The following CASZ1 variants were observed in gnomAD, a reference collection of about 807,000 sequenced individuals.
CASZ1 encodes castor zinc finger 1, also known as zinc finger protein castor homolog 1.
CASZ1 carries 28 observed loss-of-function variants against 135.2 expected under a neutral mutation model. The observed-to-expected ratio is 0.21, with a 90% CI of 0.15 to 0.28. The LOEUF (loss-of-function observed/expected upper bound fraction) is 0.28. Among genes scored for constraint, CASZ1 ranks in the 10% least tolerant of loss-of-function variants. CASZ1 has a pLI of 1.00. For missense variants in CASZ1, 2,161 were observed against 2,453.3 expected (o/e 0.88, Z 2.52); for synonymous variants, 1,068 against 1,073.4 (o/e 0.99, Z 0.10).
At position 10,693,861 on chromosome 1, in the gene CASZ1, C is replaced by T; in HGVS notation, c.16+13G>A. ...AGTGAAAGAGCCGCCCCTGCGTTCC[C>T]ACCGGCCGGTACCTGTTCCAAGATC... On this transcript the variant is annotated intron_variant, in intron 4 of 20. Transcript: ENST00000377022. The T allele has an allele frequency of 5.6e-6, 9 of 1,612,836 alleles. No homozygotes were observed. Among genetic ancestry groups the T allele is most frequent in the Non-Finnish European group, 7.6e-6 (9 of 1,179,096 alleles).
At chr1:10,663,525 C>T (rs1643122911) in intron 5 of CASZ1, among the ~76,000 whole-genome samples, 1 of 152,214 alleles carries the variant, frequency 6.6e-6, no homozygotes, top group African/African-American at 2.4e-5. Context: ...TTCAGTGGCT[C>T]AGGGACCAGG....
chr1:10,673,864 CGGGCT>C (rs1643482810), intron 4 of CASZ1, among the ~76,000 whole-genome samples: 1 of 152,180 alleles, frequency 6.6e-6, no homozygotes, highest in Non-Finnish European at 1.5e-5. Context: ...ATCCATGCCT[CGGGCT>C]GAGGCCAGGC....
chr1:10,681,762 G>C (rs1335621342), intron 4 of CASZ1, among the ~76,000 whole-genome samples: 1 of 152,332 alleles, frequency 6.6e-6, no homozygotes, highest in South Asian at 2.1e-4. Context: ...ACGTGGCCTG[G>C]CTTCTGGACT....
In CASZ1 at chr1:10,755,464, G is replaced by A. The variant is rs937944760; in HGVS notation, c.-77+5237C>T. ...CGCTTCTCTCTTCGTCCACCACACCGCGTCAACCCTCCCAAATCCACGGGT... is the reference window on the plus strand; with the variant it reads ...CGCTTCTCTCTTCGTCCACCACACCACGTCAACCCTCCCAAATCCACGGGT... On this transcript the variant is annotated intron_variant, in intron 2 of 20. Transcript: ENST00000377022. This position sits in a 1 kb window ranked among gnomAD's most constrained non-coding sequence, Gnocchi z 4.3. Among the ~76,000 whole-genome samples, 9 of 151,976 alleles carry A rather than the reference G, an allele frequency of 5.9e-5. No homozygotes were observed. The highest frequency in any genetic ancestry group is 1.2e-4 in the African/African-American group (5 of 41,380).
At chr1:10,683,112 G>T (rs1557502838) in intron 4 of CASZ1, among the ~76,000 whole-genome samples, 1 of 152,214 alleles carries the variant, frequency 6.6e-6, no homozygotes, top group Non-Finnish European at 1.5e-5. Flanking sequence ...CATCCTTCCA[G>T]TTACAATCGG....
chr1:10,732,058 C>A (rs900032952), intron 2 of CASZ1, among the ~76,000 whole-genome samples: 1 of 151,978 alleles, frequency 6.6e-6, no homozygotes, highest in South Asian at 2.1e-4. Context: ...GGCATGATGA[C>A]TCATGCCTGT....
chr1:10,708,983 A>T (rs1570508257), intron 2 of CASZ1, among the ~76,000 whole-genome samples: 1 of 75,456 alleles, frequency 1.3e-5, no homozygotes, highest in South Asian at 4.5e-4. Flanking sequence ...GGGGGGGGCC[A>T]TGGGTGAGGG....
chr1:10,655,199 C>A (rs528339273), intron 9 of CASZ1, among the ~76,000 whole-genome samples: 1 of 152,212 alleles, frequency 6.6e-6, no homozygotes, highest in African/African-American at 2.4e-5. Flanking sequence ...CATAACAACT[C>A]CTGACAAATA....
At chr1:10,686,615 C>T (rs1190735386) in intron 4 of CASZ1, among the ~76,000 whole-genome samples, 2 of 152,226 alleles carry the variant, frequency 1.3e-5, no homozygotes, top group Admixed American at 6.5e-5. Flanking sequence ...TCCCCGCCAC[C>T]CTCTCTTGGT....
rs375829341 is a variant in CASZ1 at position 10,741,880 on chromosome 1, G to T, written c.-77+18821C>A. Among the ~76,000 whole-genome samples, 55 of 152,166 alleles carry T rather than the reference G, an allele frequency of 3.6e-4. No homozygotes were observed. The highest frequency in any genetic ancestry group is 1.3e-3 in the African/African-American group (54 of 41,498). On this transcript the variant is annotated intron_variant, in intron 2 of 20. Transcript: ENST00000377022. The surrounding 1 kb of genome is among the most constrained non-coding windows in gnomAD (Gnocchi z 5.0). Reference sequence around the variant, plus strand: ...TACTGGGCAGTTTGTGCGTATCTGTGTGTTTTTTCCCCCAAAGCCAGGAGA... The same window carrying T: ...TACTGGGCAGTTTGTGCGTATCTGTTTGTTTTTTCCCCCAAAGCCAGGAGA...
At chr1:10,771,309 A>G (rs773471450) in intron 1 of CASZ1, among the ~76,000 whole-genome samples, 6 of 151,982 alleles carry the variant, frequency 3.9e-5, no homozygotes, top group South Asian at 2.1e-4. Context: ...GTCCTTACTT[A>G]GAAGTTTTTA....
At chr1:10,678,393 A>C (rs956147778) in intron 4 of CASZ1, among the ~76,000 whole-genome samples, 2 of 109,914 alleles carry the variant, frequency 1.8e-5, no homozygotes, top group African/African-American at 6.9e-5. Flanking sequence ...AGCTGGTTAC[A>C]GTGTGAGGGA....
chr1:10,744,852 C>G (rs1640010031), intron 2 of CASZ1, among the ~76,000 whole-genome samples: 2 of 152,166 alleles, frequency 1.3e-5, no homozygotes, highest in South Asian at 4.1e-4. Context: ...GAGCCGTGAC[C>G]TCACCAGAGC....
chr1:10,641,112 C>T (rs1315163700), intron 20 of CASZ1, among the ~76,000 whole-genome samples: 3 of 152,260 alleles, frequency 2.0e-5, no homozygotes, highest in Admixed American at 6.5e-5. Context: ...CACCAAATGT[C>T]TGCCCTGCCC....
intron 4 of CASZ1, among the ~76,000 whole-genome samples, chr1:10,675,584 G>A (rs942172426): frequency 6.6e-6 from 1 of 152,074 alleles, no homozygotes; most frequent in Non-Finnish European, 1.5e-5. Flanking sequence ...GGCTGGGGGA[G>A]GTGCCAGGTC....
chr1:10,726,213 T>G lies in CASZ1; in HGVS notation c.-76-20669A>C, dbSNP rs940181974. Reference sequence around the variant, plus strand: ...GTCCCAGGCAGAGTGAAGTCGGTTTTATAAACCACCTCATTAAACAGCAAC... The same window carrying G: ...GTCCCAGGCAGAGTGAAGTCGGTTTGATAAACCACCTCATTAAACAGCAAC... On this transcript the variant is annotated intron_variant, in intron 2 of 20. Transcript: ENST00000377022. This position sits in a 1 kb window ranked among gnomAD's most constrained non-coding sequence, Gnocchi z 5.7. 6.6e-6 allele frequency among the ~76,000 whole-genome samples: 1 copy of G among 152,150 alleles called. No individual in the cohort carries two copies. The highest frequency in any genetic ancestry group is 2.4e-5 in the African/African-American group (1 of 41,428).
At chr1:10,748,878 A>G (rs1457309404) in intron 2 of CASZ1, among the ~76,000 whole-genome samples, 2 of 152,216 alleles carry the variant, frequency 1.3e-5, no homozygotes, top group African/African-American at 4.8e-5. Context: ...GAAGCAGCAG[A>G]TGCGAATCAG....
intron 1 of CASZ1, among the ~76,000 whole-genome samples, chr1:10,772,297 C>A (rs1640590395): frequency 6.6e-6 from 1 of 152,138 alleles, no homozygotes; most frequent in African/African-American, 2.4e-5. Context: ...GTCCCAGGCA[C>A]CCCCAGAGGG....
intron 1 of CASZ1, among the ~76,000 whole-genome samples, chr1:10,789,939 G>C (rs573360178): frequency 1.3e-5 from 2 of 152,218 alleles, no homozygotes; most frequent in African/African-American, 4.8e-5. Context: ...CCAAGCTGTG[G>C]CCTCAGAGCC....
Sources: allele counts gnomAD v4.1 joint callset (sites outside exome capture counted in the v4.1 genomes callset), GRCh38; gene constraint gnomAD v4.1.1; non-coding constraint Gnocchi (gnomAD v3.1); transcripts MANE v1.5; gene names NCBI Gene and HGNC (gene_info 2026-07-23, HGNC 2026-07-21).